Variants in ADAMTS18 observed in about 807,000 individuals in gnomAD.
ADAMTS18 encodes ADAM metallopeptidase with thrombospondin type 1 motif 18.
A neutral mutation model predicts 165.9 loss-of-function variants in ADAMTS18; 157 were observed. The ratio of observed to expected loss-of-function variants is 0.95; its 90% confidence interval spans 0.83 to 1.08. The LOEUF (loss-of-function observed/expected upper bound fraction) is 1.08. ADAMTS18 is among the 50% of genes least tolerant of loss of function. ADAMTS18 has a pLI of 0.00. For synonymous variants in ADAMTS18, 782 were observed against 578.2 expected, an observed-to-expected ratio of 1.35 and a Z score of -5.06; for missense variants, 2,040 against 1,534.0, an observed-to-expected ratio of 1.33 and a Z score of -5.51.
At chr16:77,396,835 C>A (rs1027035850) in intron 3 of ADAMTS18, among the ~76,000 whole-genome samples, 1 of 149,142 alleles carries the variant, frequency 6.7e-6, no homozygotes, top group African/African-American at 2.5e-5. Flanking sequence ...GAGACACAGT[C>A]TCACCCTGTC....
At chr16:77,308,165 A>G (rs1375780511) in intron 16 of ADAMTS18, among the ~76,000 whole-genome samples, 1 of 152,130 alleles carries the variant, frequency 6.6e-6, no homozygotes, top group African/African-American at 2.4e-5. Context: ...AAACATAGAG[A>G]AAAAAATTCC....
chr16:77,283,329 A>G lies in ADAMTS18; in HGVS notation c.*627T>C, dbSNP rs2055184595. The G allele has an allele frequency of 6.5e-6, 1 of 152,792 alleles. No homozygotes were observed. Among genetic ancestry groups the G allele is most frequent in the Non-Finnish European group, 1.5e-5 (1 of 68,268 alleles). The allele number at this position is 152,792 out of a possible 1,614,324, so 9.5% of individuals were successfully genotyped here. A position where few individuals can be genotyped will look rare whatever the true frequency, so the allele number is the denominator to read the frequency against. On this transcript the variant is annotated 3_prime_UTR_variant, in exon 23 of 23. Coordinates refer to ENST00000282849, the MANE Select transcript of ADAMTS18 (RefSeq NM_199355.4). ...CCTTGGAATACTTTTCAAGTTGTCA[A>G]TTTTAGTCTCAGAGACTCTCTATAA...
intron 16 of ADAMTS18, among the ~76,000 whole-genome samples, chr16:77,318,833 T>G (rs961064259): frequency 2.0e-5 from 3 of 152,142 alleles, no homozygotes; most frequent in Non-Finnish European, 1.5e-5. Flanking sequence ...GGTAACAAAC[T>G]GAAACTTAAC....
chr16:77,289,865 C>G (rs2144560278), intron 21 of ADAMTS18, among the ~76,000 whole-genome samples: 1 of 152,234 alleles, frequency 6.6e-6, no homozygotes, highest in African/African-American at 2.4e-5. Flanking sequence ...TCCTCGGTGC[C>G]CAGCCACATT....
intron 17 of ADAMTS18, 105 bp downstream of exon 17, chr16:77,300,158 T>C (rs2055552982): frequency 7.3e-7 from 1 of 1,367,760 alleles, no homozygotes; most frequent in African/African-American, 1.4e-5. Context: ...TAAAAGACAG[T>C]TCTTGGGTGG....
At chr16:77,295,194 T>C (rs2055445789) in intron 18 of ADAMTS18, 67 bp from the exon 19 acceptor site, 1 of 1,554,146 alleles carries the variant, frequency 6.4e-7, no homozygotes, top group Non-Finnish European at 8.8e-7. Flanking sequence ...AAGCAGTTAC[T>C]GTGAAAGGTA....
chr16:77,386,119 T>C (rs2057103932), intron 3 of ADAMTS18, among the ~76,000 whole-genome samples: 1 of 152,214 alleles, frequency 6.6e-6, no homozygotes, highest in Non-Finnish European at 1.5e-5. Context: ...TGTATGTAAC[T>C]TGCCGTGATA....
chr16:77,333,697 G>A (rs2056228203), intron 12 of ADAMTS18, among the ~76,000 whole-genome samples: 1 of 151,132 alleles, frequency 6.6e-6, no homozygotes, highest in Non-Finnish European at 1.5e-5. Flanking sequence ...TAACCTAAGA[G>A]TCCCTCAGTG....
intron 3 of ADAMTS18, among the ~76,000 whole-genome samples, chr16:77,368,308 GAGCCATGGACA>G (rs2056828351): frequency 1.3e-5 from 2 of 152,156 alleles, no homozygotes; most frequent in African/African-American, 2.4e-5. Flanking sequence ...CTGAAGGGCT[GAGCCATGGACA>G]TTCTGCTGCA....
chr16:77,296,463 G>A (rs75820320), intron 18 of ADAMTS18, among the ~76,000 whole-genome samples: 3,652 of 152,134 alleles, frequency 0.024, 161 homozygotes, highest in African/African-American at 0.084. Flanking sequence ...GCACACAACC[G>A]CACGCAAATT....
intron 3 of ADAMTS18, among the ~76,000 whole-genome samples, chr16:77,394,945 T>C (rs2057237414): frequency 6.6e-6 from 1 of 152,192 alleles, no homozygotes; most frequent in African/African-American, 2.4e-5. Context: ...TACAAGTCCA[T>C]GTTCCTTCCA....
At chr16:77,291,530 TC>T in intron 20 of ADAMTS18, 52 bp from the exon 21 acceptor site, 1 of 1,573,676 alleles carries the variant, frequency 6.4e-7, no homozygotes, top group African/African-American at 1.3e-5. Context: ...GATCACATCT[TC>T]TGGACAGAGG....
At chr16:77,416,500 C>G (rs2057532137) in intron 3 of ADAMTS18, among the ~76,000 whole-genome samples, 1 of 152,128 alleles carries the variant, frequency 6.6e-6, no homozygotes, top group African/African-American at 2.4e-5. Flanking sequence ...GAGTAAGACT[C>G]AGGAGATCTG....
chr16:77,386,969 G>T (rs1026249814), intron 3 of ADAMTS18, among the ~76,000 whole-genome samples: 6 of 152,154 alleles, frequency 3.9e-5, no homozygotes, highest in African/African-American at 1.2e-4. Context: ...TCTGTTGGGT[G>T]AACTATGCTT....
At chr16:77,421,889 T>C (rs769587660) in intron 3 of ADAMTS18, among the ~76,000 whole-genome samples, 56 of 152,274 alleles carry the variant, frequency 3.7e-4, no homozygotes, top group South Asian at 1.5e-3. Flanking sequence ...AAATATGCAG[T>C]AATTAAAAGA....
chr16:77,339,680 T>A (rs2056369732), intron 11 of ADAMTS18, among the ~76,000 whole-genome samples: 1 of 152,096 alleles, frequency 6.6e-6, no homozygotes, highest in Non-Finnish European at 1.5e-5. Context: ...TTGAGCACTA[T>A]TTATATTTTA....
Position 77,341,786 on chromosome 16 carries a change from G to C in ADAMTS18, c.1628C>G (p.Ser543Ter), listed in dbSNP as rs1367780750. Residue 543 changes from serine (S) to a stop codon, truncating the protein, a stop_gained, in exon 11 of 23, where the codon TCA (serine) becomes TGA (stop). Coordinates refer to ENST00000282849, the MANE Select transcript of ADAMTS18 (RefSeq NM_199355.4). LOFTEE classifies it high-confidence loss of function. ...GTGGCCTACTCGGTGGCACCAAAGT[G>C]ATTTGCAAATATCCTGAAATAAAAA... is the stretch of plus-strand genomic sequence containing the variant. ...SLGFVKDICK[S>*]LWCHRVGHRC... is the part of the protein sequence containing the mutation. 6.2e-7 allele frequency: 1 copy of C among 1,611,592 alleles called. No homozygotes were observed. The highest frequency in any genetic ancestry group is 8.5e-7 in the Non-Finnish European group (1 of 1,178,936).
intron 16 of ADAMTS18, among the ~76,000 whole-genome samples, chr16:77,314,434 C>T (rs2055841174): frequency 6.6e-6 from 1 of 151,372 alleles, no homozygotes; most frequent in Admixed American, 6.6e-5. Flanking sequence ...ATGGTGAAAC[C>T]CCATCTCTAC....
chr16:77,332,809 G>C (rs929999514), intron 12 of ADAMTS18, among the ~76,000 whole-genome samples: 2 of 152,162 alleles, frequency 1.3e-5, no homozygotes, highest in Admixed American at 1.3e-4. Flanking sequence ...ATCCACAGCT[G>C]ATTTGACTAG....
Sources: gnomAD v4.1 joint callset for allele counts (sites outside exome capture counted in the v4.1 genomes callset) on GRCh38, gnomAD v4.1.1 for gene constraint, MANE v1.5 for transcripts, NCBI Gene and HGNC (gene_info 2026-07-23, HGNC 2026-07-21) for gene names.